The following LMO3 variants were observed in gnomAD, a reference collection of about 807,000 sequenced individuals.
The protein encoded by LMO3 is LIM domain only protein 3.
A neutral mutation model predicts 15.8 loss-of-function variants in LMO3; 2 were observed. The observed-to-expected ratio is 0.13, with a 90% CI of 0.05 to 0.40. LMO3 has a LOEUF of 0.40. Ranked by LOEUF, LMO3 falls within the 10% of genes least tolerant of loss-of-function variation. LMO3 has a pLI of 0.99. For synonymous variants in LMO3, 62 were observed against 63.8 expected, an observed-to-expected ratio of 0.97 and a Z score of 0.13; for missense variants, 86 against 182.2, an observed-to-expected ratio of 0.47 and a Z score of 3.04.
chr12:16,564,572 A>G (rs558217919), intron 2 of LMO3, among the ~76,000 whole-genome samples: 10 of 152,302 alleles, frequency 6.6e-5, no homozygotes, highest in Middle Eastern at 6.8e-3. Flanking sequence ...CTTTTATTTC[A>G]CAGCACCAGA....
chr12:16,557,655 G>T (rs922753916), intron 3 of LMO3, among the ~76,000 whole-genome samples: 4 of 151,948 alleles, frequency 2.6e-5, no homozygotes, highest in Non-Finnish European at 5.9e-5. Context: ...TCAAGTTAGT[G>T]GACTATTATT....
At chr12:16,600,547 G>T in intron 2 of LMO3, 108 bp downstream of exon 2, 2 of 919,110 alleles carry the variant, frequency 2.2e-6, no homozygotes, top group Non-Finnish European at 1.7e-6. Flanking sequence ...ACTTCTTTCA[G>T]GAATATAAGC....
At chr12:16,594,254 T>C (rs1166526889) in intron 2 of LMO3, 2 of 1,526,324 alleles carry the variant, frequency 1.3e-6, no homozygotes, top group Non-Finnish European at 1.8e-6. Context: ...TCCACACCTC[T>C]TCAAATGCTT....
At chr12:16,551,850 T>G (rs142003666) in intron 3 of LMO3, among the ~76,000 whole-genome samples, 2 of 152,136 alleles carry the variant, frequency 1.3e-5, no homozygotes, top group Non-Finnish European at 2.9e-5. Context: ...GATTAAATGT[T>G]AGTAATCTAG....
In LMO3 at chr12:16,560,330, T is replaced by A; in HGVS notation, c.332+83A>T. ...GCTGAGATTGATTGCTTTAAATGTA[T>A]GAATATAATTTCCACCTATTAAATA... On this transcript the variant is annotated intron_variant, in intron 3 of 3. Transcript: ENST00000537304. This position sits in a 1 kb window ranked among gnomAD's most constrained non-coding sequence, Gnocchi z 5.0. 1 of 1,416,490 alleles carries A rather than the reference T, an allele frequency of 7.1e-7. No individual in the cohort carries two copies. Among genetic ancestry groups the A allele is most frequent in the Non-Finnish European group, 9.6e-7 (1 of 1,040,066 alleles). The allele number at this position is 1,416,490 out of a possible 1,614,324, so 87.7% of individuals were successfully genotyped here. A position where few individuals can be genotyped will look rare whatever the true frequency, so the allele number is the denominator to read the frequency against.
In LMO3 at chr12:16,598,998, A is replaced by T. The variant is rs1294096500; in HGVS notation, c.206+1657T>A. The T allele has an allele frequency of 3.8e-6, 1 of 264,550 alleles. No individual in the cohort carries two copies. The highest frequency in any genetic ancestry group is 7.6e-6 in the Non-Finnish European group (1 of 131,280). The allele number at this position is 264,550 out of a possible 1,614,324, so 16.4% of individuals were successfully genotyped here. A position where few individuals can be genotyped will look rare whatever the true frequency, so the allele number is the denominator to read the frequency against. ...ATTACAAACAAATGTAAAAGTCAAA[A>T]GGAGTCAAAAAGCTATGACTATTGG... On this transcript the variant is annotated intron_variant, in intron 2 of 3. Transcript: ENST00000537304. The surrounding 1 kb of genome is among the most constrained non-coding windows in gnomAD (Gnocchi z 4.3).
intron 2 of LMO3, among the ~76,000 whole-genome samples, chr12:16,583,877 G>A (rs1943240357): frequency 6.6e-6 from 1 of 152,144 alleles, no homozygotes; most frequent in Non-Finnish European, 1.5e-5. Context: ...AGTCTTAAAG[G>A]TTTGACCAAA....
chr12:16,604,591 C>A lies in LMO3; in HGVS notation c.-9+1475G>T. On this transcript the variant is annotated intron_variant, in intron 1 of 3. Transcript: ENST00000537304. This position sits in a 1 kb window ranked among gnomAD's most constrained non-coding sequence, Gnocchi z 5.3. ...AAAAAAAAAATAAGAAACATACATACACTCTAACAAAGAATCCCTTGCGGA... is the reference window on the plus strand; with the variant it reads ...AAAAAAAAAATAAGAAACATACATAAACTCTAACAAAGAATCCCTTGCGGA... 2.1e-6 allele frequency: 1 copy of A among 479,570 alleles called. No individual in the cohort carries two copies. Among genetic ancestry groups the A allele is most frequent in the South Asian group, 3.2e-5 (1 of 31,300 alleles). 29.7% of individuals were successfully genotyped at this position (479,570 alleles called of 1,614,324 possible). A position where few individuals can be genotyped will look rare whatever the true frequency, so the allele number is the denominator to read the frequency against.
Position 16,586,802 on chromosome 12 carries a change from C to A in LMO3, c.206+13853G>T, listed in dbSNP as rs1943337624. On this transcript the variant is annotated intron_variant, in intron 2 of 3. Transcript: ENST00000537304. The surrounding 1 kb of genome is among the most constrained non-coding windows in gnomAD (Gnocchi z 4.3). ...TGCATTACTTTTGTAACCTTTCTCCCAAAGGAACATGTAAGCCATACACAG... is the reference window on the plus strand; with the variant it reads ...TGCATTACTTTTGTAACCTTTCTCCAAAAGGAACATGTAAGCCATACACAG... 6.6e-6 allele frequency among the ~76,000 whole-genome samples: 1 copy of A among 152,100 alleles called. No homozygotes were observed. The highest frequency in any genetic ancestry group is 1.5e-5 in the Non-Finnish European group (1 of 68,026).
chr12:16,551,579 C>G (rs534720096), intron 3 of LMO3, among the ~76,000 whole-genome samples: 13 of 148,324 alleles, frequency 8.8e-5, no homozygotes, highest in Non-Finnish European at 1.8e-4. Flanking sequence ...ACTTTGGGCA[C>G]CAAAGATGAC....
intron 2 of LMO3, among the ~76,000 whole-genome samples, chr12:16,564,318 C>A (rs561234296): frequency 4.8e-4 from 73 of 152,280 alleles, no homozygotes; most frequent in African/African-American, 1.5e-3. Context: ...AGAACTAAGA[C>A]AAAACAAGTT....
At chr12:16,594,331 T>C (rs1052588815) in intron 2 of LMO3, 9 of 1,369,850 alleles carry the variant, frequency 6.6e-6, no homozygotes, top group Non-Finnish European at 7.6e-6. Context: ...ATAAGCCAAT[T>C]AAACTAAAAA....
Position 16,600,901 on chromosome 12 carries a change from A to C in LMO3, c.-8-33T>G, listed in dbSNP as rs749391628. 2.7e-6 allele frequency: 4 copies of C among 1,456,014 alleles called. No individual in the cohort carries two copies. In the South Asian group the frequency reaches 4.6e-5, roughly 17 times the overall value. 90.2% of individuals were successfully genotyped at this position (1,456,014 alleles called of 1,614,324 possible). A position where few individuals can be genotyped will look rare whatever the true frequency, so the allele number is the denominator to read the frequency against. On this transcript the variant is annotated intron_variant, in intron 1 of 3. Transcript: ENST00000537304. ...AAGACAAAAGCAAAAAAGAGAGCTG[A>C]GACTACCAGACAGAATAAAAAGACC...
chr12:16,580,151 A>G (rs1216010793), intron 2 of LMO3, among the ~76,000 whole-genome samples: 13 of 152,216 alleles, frequency 8.5e-5, no homozygotes, highest in Admixed American at 7.9e-4. Flanking sequence ...TTTTTAATAG[A>G]GATGGGATCT....
At chr12:16,609,099 A>G (rs1483429225), upstream of LMO3, 1 of 152,186 alleles carries the variant, frequency 6.6e-6, no homozygotes, top group East Asian at 1.9e-4. Flanking sequence ...CACAGAAAAA[A>G]TCATCAGAAA....
chr12:16,558,008 T>C (rs1272689820), intron 3 of LMO3, among the ~76,000 whole-genome samples: 1 of 152,076 alleles, frequency 6.6e-6, no homozygotes, highest in Non-Finnish European at 1.5e-5. Flanking sequence ...TATCTGATGA[T>C]AGAAGACATA....
In LMO3 at chr12:16,548,372, T is replaced by C. The variant is rs1941866077; in HGVS notation, c.*2850A>G. The C allele has an allele frequency of 6.6e-6, 1 of 152,090 alleles. No homozygotes were observed. Among genetic ancestry groups the C allele is most frequent in the Non-Finnish European group, 1.5e-5 (1 of 67,986 alleles). 9.4% of individuals were successfully genotyped at this position (152,090 alleles called of 1,614,324 possible). A position where few individuals can be genotyped will look rare whatever the true frequency, so the allele number is the denominator to read the frequency against. On this transcript the variant is annotated 3_prime_UTR_variant, in exon 4 of 4. Coordinates refer to ENST00000537304, the MANE Select transcript of LMO3 (RefSeq NM_018640.5). The surrounding 1 kb of genome is among the most constrained non-coding windows in gnomAD (Gnocchi z 4.2). ...ATTTTGCCAATTAAGTGCAATCAAA[T>C]AGTGTAACACCCCTTTTATTAAAAA...
At chr12:16,554,439 A>C (rs577874075) in intron 3 of LMO3, among the ~76,000 whole-genome samples, 1 of 152,074 alleles carries the variant, frequency 6.6e-6, no homozygotes, top group Non-Finnish European at 1.5e-5. Context: ...TAAGTTAGAG[A>C]TTTCTATACT....
At position 16,560,660 on chromosome 12, in the gene LMO3, A is replaced by C; in HGVS notation, c.207-122T>G. On this transcript the variant is annotated intron_variant, in intron 2 of 3. Coordinates refer to ENST00000537304, the MANE Select transcript of LMO3 (RefSeq NM_018640.5). This position sits in a 1 kb window ranked among gnomAD's most constrained non-coding sequence, Gnocchi z 5.0. ...TACACAATGCTTTATGATGTACACA[A>C]GTGGATTTTATCCTAGGTGTATGCA... 1 of 859,292 alleles carries C rather than the reference A, an allele frequency of 1.2e-6. No individual in the cohort carries two copies. 53.2% of individuals were successfully genotyped at this position (859,292 alleles called of 1,614,324 possible).
Sources: allele counts gnomAD v4.1 joint callset (sites outside exome capture counted in the v4.1 genomes callset), GRCh38; gene constraint gnomAD v4.1.1; non-coding constraint Gnocchi (gnomAD v3.1); transcripts MANE v1.5; gene names NCBI Gene and HGNC (gene_info 2026-07-23, HGNC 2026-07-21).